SNRPN: variants seen among roughly 807,000 people sequenced by gnomAD.
The protein encoded by SNRPN is small nuclear ribonucleoprotein polypeptide N.
A neutral mutation model predicts 25.2 loss-of-function variants in SNRPN; 7 were observed. The ratio of observed to expected loss-of-function variants is 0.28; its 90% CI spans 0.16 to 0.52. SNRPN has a LOEUF of 0.52. SNRPN is among the 20% of genes least tolerant of loss of function. SNRPN has a pLI of 0.96. For synonymous variants in SNRPN, 124 were observed against 110.6 expected, an observed-to-expected ratio of 1.12 and a Z score of -0.76; for missense variants, 196 against 322.5, an observed-to-expected ratio of 0.61 and a Z score of 3.00.
At chr15:24,852,158 A>T (rs1287889347), upstream of SNRPN, 1 of 152,168 alleles carries the variant, frequency 6.6e-6, no homozygotes, top group Non-Finnish European at 1.5e-5. Context: ...CATGTTCTTA[A>T]GTAAGGTGTA....
At chr15:24,884,858 C>A (rs545032989) in intron 1 of SNRPN, among the ~76,000 whole-genome samples, 1 of 152,210 alleles carries the variant, frequency 6.6e-6, no homozygotes, top group African/African-American at 2.4e-5. Flanking sequence ...GTTCTTGGAT[C>A]TCTAGCAGGA....
chr15:24,955,753 C>A (rs1017304530), intron 1 of SNRPN, among the ~76,000 whole-genome samples: 37 of 150,272 alleles, frequency 2.5e-4, no homozygotes, highest in Non-Finnish European at 2.8e-4. Context: ...GGGAAGGCGG[C>A]GACAGTGGGT....
chr15:24,918,891 TA>T lies in SNRPN; in HGVS notation c.-504-1118del, dbSNP rs2059821043. Among the ~76,000 whole-genome samples, 5 of 84,128 alleles carry T rather than the reference TA, an allele frequency of 5.9e-5. 1 individual carries two copies. The highest frequency in any genetic ancestry group is 1.4e-4 in the African/African-American group (3 of 22,080). The allele number at this position is 84,128 out of a possible 152,430, so 55.2% of individuals were successfully genotyped here. ...TATATATGTGCATATATATATAACA[TA>T]ATATATATATGTGCACATATATATA... On this transcript the variant is annotated intron_variant, in intron 2 of 11. Transcript: ENST00000400097.
At chr15:24,938,589 A>G (rs2061381135) in intron 3 of SNRPN, among the ~76,000 whole-genome samples, 2 of 152,226 alleles carry the variant, frequency 1.3e-5, no homozygotes, top group South Asian at 4.2e-4. Flanking sequence ...GAAGATTTTT[A>G]TTACTTACAT....
intron 2 of SNRPN, among the ~76,000 whole-genome samples, chr15:24,843,427 C>T (rs1214582791): frequency 6.6e-6 from 1 of 152,098 alleles, no homozygotes; most frequent in African/African-American, 2.4e-5. Flanking sequence ...ATGGGAGGAT[C>T]ACTTGAGGCC....
At chr15:24,914,810 T>C (rs1207278258) in intron 2 of SNRPN, among the ~76,000 whole-genome samples, 1 of 152,068 alleles carries the variant, frequency 6.6e-6, no homozygotes, top group Non-Finnish European at 1.5e-5. Flanking sequence ...TTCAGGACCA[T>C]TGTGATAGAT....
intron 2 of SNRPN, among the ~76,000 whole-genome samples, chr15:24,840,431 G>T (rs1432366447): frequency 6.6e-6 from 1 of 152,212 alleles, no homozygotes; most frequent in African/African-American, 2.4e-5. Flanking sequence ...AGATCTGAGA[G>T]GCTGGTACAC....
chr15:24,949,735 C>G (rs1286394738), intron 3 of SNRPN, among the ~76,000 whole-genome samples: 1 of 152,158 alleles, frequency 6.6e-6, no homozygotes, highest in East Asian at 1.9e-4. Flanking sequence ...CAGGGTTCTT[C>G]CATGTTGTTT....
intron 2 of SNRPN, among the ~76,000 whole-genome samples, chr15:24,834,745 C>CTATATATATA: frequency 2.6e-5 from 2 of 77,012 alleles, no homozygotes; most frequent in Non-Finnish European, 4.9e-5. Context: ...CTCTCTCTCT[C>CTATATATATA]TCTCTCTATA....
intron 2 of SNRPN, among the ~76,000 whole-genome samples, chr15:24,898,584 T>TA (rs75837948): frequency 6.8e-4 from 97 of 142,406 alleles, no homozygotes; most frequent in Admixed American, 1.1e-3. Context: ...GAGATCTGTC[T>TA]AAAAAAAAAA....
intron 2 of SNRPN, among the ~76,000 whole-genome samples, chr15:24,903,950 C>T (rs1595809107): frequency 1.3e-5 from 2 of 151,770 alleles, no homozygotes; most frequent in South Asian, 4.2e-4. Flanking sequence ...GGGAAGATCA[C>T]CTGAGCCCAG....
intron 2 of SNRPN, chr15:24,851,166 T>G (rs1438810346): frequency 6.6e-6 from 1 of 152,184 alleles, no homozygotes; most frequent in African/African-American, 2.4e-5. Context: ...ATTAAATAAT[T>G]TGTGAAATTT....
At chr15:24,923,469 C>G (rs1259854774) in intron 3 of SNRPN, among the ~76,000 whole-genome samples, 1 of 152,130 alleles carries the variant, frequency 6.6e-6, no homozygotes, top group Non-Finnish European at 1.5e-5. Context: ...ATCCATTCTA[C>G]TGTGTGGAGT....
chr15:24,836,269 GCCCTATGT>G (rs1044864296), intron 2 of SNRPN, among the ~76,000 whole-genome samples: 2 of 151,986 alleles, frequency 1.3e-5, no homozygotes, highest in African/African-American at 2.4e-5. Flanking sequence ...CTAATAGAAG[GCCCTATGT>G]CCAAACAGTC....
chr15:24,864,704 T>C (rs781114067), intron 1 of SNRPN, among the ~76,000 whole-genome samples: 1 of 152,030 alleles, frequency 6.6e-6, no homozygotes, highest in Non-Finnish European at 1.5e-5. Flanking sequence ...CTATGCTCCC[T>C]CACTGCATTC....
At chr15:24,976,515 G>T in intron 6 of SNRPN, 99 bp downstream of exon 6, 2 of 847,824 alleles carry the variant, frequency 2.4e-6, no homozygotes, top group South Asian at 1.5e-5. Flanking sequence ...GTTCAACATG[G>T]ATTGTCAAAT....
At chr15:24,963,763 A>G (rs2075212115) in intron 2 of SNRPN, among the ~76,000 whole-genome samples, 1 of 151,460 alleles carries the variant, frequency 6.6e-6, no homozygotes, top group Non-Finnish European at 1.5e-5. Flanking sequence ...GTTGAGCTGG[A>G]TGTGGTGGCT....
In SNRPN at chr15:24,910,872, T is replaced by C. The variant is rs2059169886; in HGVS notation, c.-504-9139T>C. 3 of 617,748 alleles carry C rather than the reference T, an allele frequency of 4.9e-6. No individual in the cohort carries two copies. The South Asian group carries it at 6.5e-5, about 13-fold the overall frequency. 38.3% of individuals were successfully genotyped at this position (617,748 alleles called of 1,614,324 possible). On this transcript the variant is annotated intron_variant, in intron 2 of 11. Transcript: ENST00000400097. ...CACTCATCTTGATTCAGGGTGCTTT[T>C]AGTGCTGCTTTCTCCTGAAGGACCA...
At chr15:24,878,660 T>C (rs1002933661) in intron 1 of SNRPN, among the ~76,000 whole-genome samples, 7 of 152,218 alleles carry the variant, frequency 4.6e-5, no homozygotes, top group East Asian at 1.9e-4. Context: ...TGAAAAATTG[T>C]ATTGTATTTC....
Sources: allele counts gnomAD v4.1 joint callset (sites outside exome capture counted in the v4.1 genomes callset), GRCh38; gene constraint gnomAD v4.1.1; transcripts MANE v1.5; gene names NCBI Gene and HGNC (gene_info 2026-07-23, HGNC 2026-07-21).